The following GALNT6 variants were observed in gnomAD, a reference collection of about 807,000 sequenced individuals.
The protein encoded by GALNT6 is polypeptide N-acetylgalactosaminyltransferase 6, also known as GalNAc transferase 6.
In GALNT6, 51 loss-of-function variants were observed where a neutral mutation model predicts 65.9. The observed-to-expected ratio is 0.77, with a 90% CI of 0.62 to 0.98. The LOEUF (loss-of-function observed/expected upper bound fraction) is 0.98. GALNT6 is among the 50% of genes least tolerant of loss of function. The probability of loss-of-function intolerance (pLI) is 0.00; values close to 1 mark genes in which losing one functional copy is unlikely to be tolerated. For synonymous variants in GALNT6, 323 were observed against 315.1 expected, an observed-to-expected ratio of 1.02 and a Z score of -0.26; for missense variants, 708 against 803.3, an observed-to-expected ratio of 0.88 and a Z score of 1.43.
chr12:51,365,324 C>T, intron 5 of GALNT6, 106 bp downstream of exon 5: 1 of 1,105,546 alleles, frequency 9.0e-7, no homozygotes, highest in East Asian at 2.6e-5. Context: ...CTCCTTCACT[C>T]CCGGAAGAGA....
intron 4 of GALNT6, 96 bp from the exon 5 acceptor site, chr12:51,365,675 G>A (rs979230215): frequency 3.3e-5 from 43 of 1,305,746 alleles, no homozygotes; most frequent in Admixed American, 4.2e-5. Context: ...CCTCTAGCAG[G>A]CCTGAATTTT....
rs1390439983 is a variant in GALNT6, at chr12:51,379,824, C to T, written c.-43G>A. 1 of 1,555,296 alleles carries T rather than the reference C, an allele frequency of 6.4e-7. No individual in the cohort carries two copies. Among genetic ancestry groups the T allele is most frequent in the Non-Finnish European group, 8.7e-7 (1 of 1,155,378 alleles). On this transcript the variant is annotated 5_prime_UTR_variant, in exon 3 of 12. Transcript: ENST00000356317. Reference sequence around the variant, plus strand: ...CACCCCAGCTGCGTCAGCTCTGAGTCCTGAGCCCAACCCTGGAGATAGCTT... The same window carrying T: ...CACCCCAGCTGCGTCAGCTCTGAGTTCTGAGCCCAACCCTGGAGATAGCTT...
At position 51,359,338 on chromosome 12, in the gene GALNT6, G is replaced by GT. The variant is rs1161886017; in HGVS notation, c.1168-7dup. On this transcript the variant is annotated splice_polypyrimidine_tract_variant and splice_region_variant and intron_variant, in intron 7 of 11. Transcript: ENST00000356317. ...TGGCCCCCACACTGCCACACCTGAT[G>GT]TAAGAGGAGACAGGATGAGGCCTTC... 1 of 1,600,494 alleles carries GT rather than the reference G, an allele frequency of 6.2e-7. No homozygotes were observed. Among genetic ancestry groups the GT allele is most frequent in the African/African-American group, 1.3e-5 (1 of 74,598 alleles).
chr12:51,382,123 C>G (rs939867180), intron 2 of GALNT6, among the ~76,000 whole-genome samples: 5 of 152,178 alleles, frequency 3.3e-5, no homozygotes, highest in Non-Finnish European at 5.9e-5. Flanking sequence ...CAAAAGAAAT[C>G]TCTTTGAGCA....
rs978851764 is a variant in GALNT6 at position 51,353,331 on chromosome 12, C to G, written c.*1048G>C. 1 of 151,372 alleles carries G rather than the reference C, an allele frequency of 6.6e-6. No individual in the cohort carries two copies. The highest frequency in any genetic ancestry group is 1.5e-5 in the Non-Finnish European group (1 of 67,964). The allele number at this position is 151,372 out of a possible 1,614,324, so 9.4% of individuals were successfully genotyped here. A position where few individuals can be genotyped will look rare whatever the true frequency, so the allele number is the denominator to read the frequency against. ...TCAGGTAATAATAGCAAGGGAGGAT[C>G]TCTTAGACCTCTGATCTGTCTGTTA... On this transcript the variant is annotated 3_prime_UTR_variant, in exon 12 of 12. Coordinates refer to ENST00000356317, the MANE Select transcript of GALNT6 (RefSeq NM_007210.4).
intron 4 of GALNT6, among the ~76,000 whole-genome samples, chr12:51,370,360 C>T (rs1947254853): frequency 6.6e-6 from 1 of 152,120 alleles, no homozygotes; most frequent in Admixed American, 6.5e-5. Flanking sequence ...GCCTGACCAA[C>T]ACGGAGAAAC....
chr12:51,362,246 G>T (rs530351114), intron 6 of GALNT6, among the ~76,000 whole-genome samples: 1 of 152,256 alleles, frequency 6.6e-6, no homozygotes, highest in South Asian at 2.1e-4. Context: ...GTCACTGATG[G>T]ATTAGCCATG....
At chr12:51,388,338 C>A (rs1305875202) in intron 2 of GALNT6, among the ~76,000 whole-genome samples, 5 of 152,238 alleles carry the variant, frequency 3.3e-5, no homozygotes, top group Admixed American at 2.0e-4. Context: ...ATTCCTTGAG[C>A]ACTGTTTGAC....
rs750873631 is a variant in GALNT6, at chr12:51,354,382, G to A, written c.1866C>T (p.Val622=). ...CTCTCTGGGGATGATCTGGGTCCTAGACAAAGAGCCACAACTGATGGGGGT... is the reference window on the plus strand; with the variant it reads ...CTCTCTGGGGATGATCTGGGTCCTAAACAAAGAGCCACAACTGATGGGGGT... The part of the protein sequence containing the change: ...PSDPHQLWLF[V] Residue 622 remains valine, a synonymous_variant, in exon 12 of 12, where the codon GTC becomes GTT. Coordinates refer to ENST00000356317, the MANE Select transcript of GALNT6 (RefSeq NM_007210.4). 7 of 1,539,482 alleles carry A rather than the reference G, an allele frequency of 4.5e-6. No individual in the cohort carries two copies. In the South Asian group the frequency reaches 6.1e-5, roughly 13 times the overall value.
chr12:51,377,575 A>G (rs1947506502), intron 3 of GALNT6, among the ~76,000 whole-genome samples: 1 of 152,100 alleles, frequency 6.6e-6, no homozygotes, highest in Non-Finnish European at 1.5e-5. Context: ...GGTTCTAGCC[A>G]AACCACTCCA....
At chr12:51,378,363 G>A (rs988475800) in intron 3 of GALNT6, among the ~76,000 whole-genome samples, 1 of 152,074 alleles carries the variant, frequency 6.6e-6, no homozygotes, top group Non-Finnish European at 1.5e-5. Context: ...CACCATGTTG[G>A]CCAGGCTGGT....
In GALNT6 at chr12:51,354,163, C is replaced by A; in HGVS notation, c.*216G>T. 2.1e-6 allele frequency: 1 copy of A among 467,440 alleles called. No homozygotes were observed. Among genetic ancestry groups the A allele is most frequent in the South Asian group, 3.9e-5 (1 of 25,396 alleles). The allele number at this position is 467,440 out of a possible 1,614,324, so 29.0% of individuals were successfully genotyped here. A position where few individuals can be genotyped will look rare whatever the true frequency, so the allele number is the denominator to read the frequency against. On this transcript the variant is annotated 3_prime_UTR_variant, in exon 12 of 12. Coordinates refer to ENST00000356317, the MANE Select transcript of GALNT6 (RefSeq NM_007210.4). ...ATTTCTAGAACAGGAAAACGCTAGG[C>A]TAAATATATGTCCTAATGGTCTCTT...
intron 9 of GALNT6, 61 bp downstream of exon 9, chr12:51,358,069 T>C: frequency 6.6e-7 from 1 of 1,509,378 alleles, no homozygotes; most frequent in Non-Finnish European, 9.2e-7. Flanking sequence ...GGGTCAGTGG[T>C]CTTGAACTTC....
chr12:51,351,690 G>A lies in GALNT6; in HGVS notation c.*2689C>T, dbSNP rs751987064. On this transcript the variant is annotated 3_prime_UTR_variant, in exon 12 of 12. Transcript: ENST00000356317. ...GTGAGTTCCACGGGGACAGGACCTCGTTTGACGTCTCACGTCTCCACGTGC... is the reference window on the plus strand; with the variant it reads ...GTGAGTTCCACGGGGACAGGACCTCATTTGACGTCTCACGTCTCCACGTGC... 2.0e-5 allele frequency: 3 copies of A among 152,164 alleles called. No individual in the cohort carries two copies. The highest frequency in any genetic ancestry group is 2.9e-5 in the Non-Finnish European group (2 of 68,022). 9.4% of individuals were successfully genotyped at this position (152,164 alleles called of 1,614,324 possible).
chr12:51,378,906 T>A (rs1947560807), intron 3 of GALNT6, among the ~76,000 whole-genome samples: 2 of 134,322 alleles, frequency 1.5e-5, no homozygotes, highest in Admixed American at 1.7e-4. Flanking sequence ...CAGCTCAGCA[T>A]TAGAGTCCCA....
rs1222845370 is a variant in GALNT6, at chr12:51,387,703, G to A, written c.-104+3147C>T. ...AAGTGGAGGGAGGGTTCCAGGTGGA[G>A]ATGAGGTGGGATTCTCTAATCACCT... On this transcript the variant is annotated intron_variant, in intron 2 of 11. Coordinates refer to ENST00000356317, the MANE Select transcript of GALNT6 (RefSeq NM_007210.4). This position sits in a 1 kb window ranked among gnomAD's most constrained non-coding sequence, Gnocchi z 4.2. 6.6e-6 allele frequency among the ~76,000 whole-genome samples: 1 copy of A among 152,082 alleles called. No individual in the cohort carries two copies. Among genetic ancestry groups the A allele is most frequent in the Non-Finnish European group, 1.5e-5 (1 of 68,020 alleles).
chr12:51,355,623 C>A (rs558646304), intron 11 of GALNT6, among the ~76,000 whole-genome samples, 183 bp downstream of exon 11: 2 of 152,198 alleles, frequency 1.3e-5, no homozygotes, highest in Non-Finnish European at 2.9e-5. Flanking sequence ...GCGCCGACCA[C>A]TATGCCCAGC....
chr12:51,375,153 G>T (rs1192735021), intron 4 of GALNT6, among the ~76,000 whole-genome samples: 1 of 152,168 alleles, frequency 6.6e-6, no homozygotes, highest in Non-Finnish European at 1.5e-5. Context: ...TGGGATTACA[G>T]GGGTGAGCCA....
chr12:51,379,440 C>T lies in GALNT6; in HGVS notation c.342G>A (p.Gly114=). The T allele has an allele frequency of 3.1e-6, 5 of 1,613,760 alleles. No individual in the cohort carries two copies. The highest frequency in any genetic ancestry group is 1.3e-5 in the African/African-American group (1 of 74,970). ...TCTTCTGAAATGCTTTTCCATCTGCCCCAGGGGCATTGGGGTCCTGTGGTG... is the reference window on the plus strand; with the variant it reads ...TCTTCTGAAATGCTTTTCCATCTGCTCCAGGGGCATTGGGGTCCTGTGGTG... ...ERPPQDPNAP[G]ADGKAFQKSK... Residue 114 remains glycine, a synonymous_variant, in exon 3 of 12, where the codon GGG becomes GGA. Coordinates refer to ENST00000356317, the MANE Select transcript of GALNT6 (RefSeq NM_007210.4).
Sources: allele counts gnomAD v4.1 joint callset (sites outside exome capture counted in the v4.1 genomes callset), GRCh38; gene constraint gnomAD v4.1.1; non-coding constraint Gnocchi (gnomAD v3.1); transcripts MANE v1.5; gene names NCBI Gene and HGNC (gene_info 2026-07-23, HGNC 2026-07-21).